The following SAMD9L variants were observed in gnomAD, a reference collection of about 807,000 sequenced individuals.
SAMD9L encodes sterile alpha motif domain-containing protein 9-like.
SAMD9L carries 68 observed loss-of-function variants against 90.7 expected under a neutral mutation model. The observed-to-expected ratio is 0.75, with a 90% CI of 0.62 to 0.92. The LOEUF is 0.92. Ranked by LOEUF, SAMD9L falls within the 40% of genes least tolerant of loss-of-function variation. SAMD9L has a pLI of 0.00. For synonymous variants in SAMD9L, 640 were observed against 630.1 expected (o/e 1.02, Z -0.23); for missense variants, 1,604 against 1,824.3 (o/e 0.88, Z 2.20).
chr7:93,134,654 ATTTAATTTCT>A lies in SAMD9L; in HGVS notation c.1308_1317del (p.Lys436AsnfsTer13), dbSNP rs1562793995. On this transcript the variant is annotated frameshift_variant, in exon 5 of 5. Coordinates refer to ENST00000318238, the MANE Select transcript of SAMD9L (RefSeq NM_152703.5). LOFTEE classifies it low-confidence loss of function (END_TRUNC). The stretch of plus-strand genomic sequence containing the variant: ...GGATCAAACTCCAACACAGCAAACC[ATTTAATTTCT>A]TTTAAAAAATCTAAGTGCTTTATTT... The A allele has an allele frequency of 6.2e-7, 1 of 1,613,946 alleles. No homozygotes were observed. The highest frequency in any genetic ancestry group is 2.2e-5 in the East Asian group (1 of 44,868).
At position 93,132,791 on chromosome 7, in the gene SAMD9L, C is replaced by G; in HGVS notation, c.3181G>C (p.Ala1061Pro). ...TTTTCAATGTCTTTATTCTGTAAAGCTTCCATTAATGGGGAAAACAGAGTG... is the reference window on the plus strand; with the variant it reads ...TTTTCAATGTCTTTATTCTGTAAAGGTTCCATTAATGGGGAAAACAGAGTG... ...TDTLFSPLME[A>P]LQNKDIEKVL... The change falls in exon 5 of 5, where the codon GCT (alanine) becomes CCT (proline). Residue 1061 changes from alanine to proline, a missense_variant. Around this residue, in one of 7 missense-constraint regions of SAMD9L, gnomAD observed 302 missense variants for 314.7 expected, o/e 0.96. Transcript: ENST00000318238. The G allele has an allele frequency of 6.2e-7, 1 of 1,613,718 alleles. No homozygotes were observed. The highest frequency in any genetic ancestry group is 2.2e-5 in the East Asian group (1 of 44,872).
At position 93,131,489 on chromosome 7, in the gene SAMD9L, G is replaced by C. The variant is rs1792090556; in HGVS notation, c.4483C>G (p.Gln1495Glu). Residue 1495 changes from glutamine to glutamate, a missense_variant, in exon 5 of 5, where the codon CAG becomes GAG. This residue lies in a region of SAMD9L where 282 missense variants were observed against 329.6 expected (regional missense o/e 0.86). Transcript: ENST00000318238. ...GTATTTTGTGCTTTATCAAAGTACT[G>C]CTCTATTTTGGCCTTGTGAACAATA... ...NSIVHKAKIE[Q>E]YFDKAQNTNS... The C allele has an allele frequency of 1.2e-6, 2 of 1,613,886 alleles. No individual in the cohort carries two copies. Among genetic ancestry groups the C allele is most frequent in the Non-Finnish European group, 1.7e-6 (2 of 1,179,882 alleles).
At chr7:93,141,147 C>A (rs1259332245) in intron 4 of SAMD9L, among the ~76,000 whole-genome samples, 2 of 152,234 alleles carry the variant, frequency 1.3e-5, no homozygotes, top group African/African-American at 4.8e-5. Flanking sequence ...ACTCTCCTTG[C>A]AGGCTTTTGG....
At position 93,146,056 on chromosome 7, in the gene SAMD9L, C is replaced by G. The variant is rs1241707389; in HGVS notation, c.-778-16G>C. The G allele has an allele frequency of 6.6e-6, 1 of 152,216 alleles. No homozygotes were observed. Among genetic ancestry groups the G allele is most frequent in the East Asian group, 1.9e-4 (1 of 5,194 alleles). The allele number at this position is 152,216 out of a possible 1,614,324, so 9.4% of individuals were successfully genotyped here. On this transcript the variant is annotated splice_polypyrimidine_tract_variant and intron_variant, in intron 2 of 4. Transcript: ENST00000318238. The stretch of plus-strand genomic sequence containing the variant: ...CGGAATGACCCTGTTAAAATGTAAA[C>G]ATCATATCAATGTTGTGTCCAACCC...
Position 93,135,477 on chromosome 7 carries a change from T to C in SAMD9L, c.495A>G (p.Pro165=). ...TGTCATGGAACTGATCAAAAGGATATGGCATACAAGTCAATTGTTCAGGTT... is the reference window on the plus strand; with the variant it reads ...TGTCATGGAACTGATCAAAAGGATACGGCATACAAGTCAATTGTTCAGGTT... ...KLKPEQLTCM[P]YPFDQFHDSH... Residue 165 remains proline, a synonymous_variant, in exon 5 of 5, where the codon CCA becomes CCG. Coordinates refer to ENST00000318238, the MANE Select transcript of SAMD9L (RefSeq NM_152703.5). 6.2e-7 allele frequency: 1 copy of C among 1,614,184 alleles called. No homozygotes were observed. Among genetic ancestry groups the C allele is most frequent in the South Asian group, 1.1e-5 (1 of 91,082 alleles).
At position 93,132,748 on chromosome 7, in the gene SAMD9L, C is replaced by G. The variant is rs542523799; in HGVS notation, c.3224G>C (p.Ser1075Thr). The change falls in exon 5 of 5, where the codon AGT (serine) becomes ACT (threonine). Residue 1075 changes from serine to threonine, a missense_variant. Ser to Thr is a moderately conservative substitution (Grantham distance 58). This residue lies in a region of SAMD9L where 302 missense variants were observed against 314.7 expected (regional missense o/e 0.96). Coordinates refer to ENST00000318238, the MANE Select transcript of SAMD9L (RefSeq NM_152703.5). ...KDIEKVLSAGSRRFPQNAFIC... is the reference protein window; with the variant it reads ...KDIEKVLSAGTRRFPQNAFIC... ...GAATGCATTTTGTGGGAATCGTCTA[C>G]TTCCTGCACTCAAGACCTTTTCAAT... The G allele has an allele frequency of 9.3e-6, 15 of 1,613,810 alleles. 1 individual carries two copies. The South Asian group carries it at 1.5e-4, about 17-fold the overall frequency.
chr7:93,133,285 A>G lies in SAMD9L; in HGVS notation c.2687T>C (p.Phe896Ser), dbSNP rs776638593. 3 of 1,612,466 alleles carry G rather than the reference A, an allele frequency of 1.9e-6. No individual in the cohort carries two copies. The highest frequency in any genetic ancestry group is 1.7e-5 in the Admixed American group (1 of 59,794). The stretch of plus-strand genomic sequence containing the variant: ...TACATTTTCTATATATGTTTCATCA[A>G]AATTGCTTTTCATGATCATGAAGGA... ...FYSFMIMKSN[F>S]DETYIENVVR... is the part of the protein sequence containing the mutation. The change falls in exon 5 of 5, where the codon TTT (phenylalanine) becomes TCT (serine). Residue 896 changes from phenylalanine to serine, a missense_variant. By Grantham distance (155) the Phe-to-Ser change is radical. Transcript: ENST00000318238.
chr7:93,143,044 G>C (rs1434708057), intron 4 of SAMD9L, among the ~76,000 whole-genome samples: 1 of 152,208 alleles, frequency 6.6e-6, no homozygotes, highest in Non-Finnish European at 1.5e-5. Flanking sequence ...GTGGTTGCGT[G>C]GGGGATAGCA....
Position 93,134,533 on chromosome 7 carries a change from A to G in SAMD9L, c.1439T>C (p.Met480Thr), listed in dbSNP as rs775501503. The change falls in exon 5 of 5, where the codon ATG becomes ACG. Residue 480 changes from methionine (M) to threonine (T), a missense_variant. Physicochemically the swap from Met to Thr is moderately conservative, Grantham distance 81. Coordinates refer to ENST00000318238, the MANE Select transcript of SAMD9L (RefSeq NM_152703.5). ...ATTAAGAGTAGAAATCTTCTCCCAC[A>G]TGTTAGTTGTCTTGTCTTCATATTG... ...PNQYEDKTTNMWEKISTLNLY... is the reference protein window; with the variant it reads ...PNQYEDKTTNTWEKISTLNLY... 3 of 1,613,816 alleles carry G rather than the reference A, an allele frequency of 1.9e-6. No homozygotes were observed. Among genetic ancestry groups the G allele is most frequent in the Admixed American group, 3.3e-5 (2 of 59,982 alleles).
chr7:93,141,068 A>G (rs949779748), intron 4 of SAMD9L, among the ~76,000 whole-genome samples: 2 of 152,204 alleles, frequency 1.3e-5, no homozygotes, highest in South Asian at 2.1e-4. Flanking sequence ...TGCACTTGGT[A>G]TTGCTACAGA....
rs546136021 is a variant in SAMD9L at position 93,135,429 on chromosome 7, A to G, written c.543T>C (p.Tyr181=). 5.0e-6 allele frequency: 8 copies of G among 1,614,180 alleles called. No individual in the cohort carries two copies. The African/African-American group carries it at 8.0e-5, about 16-fold the overall frequency. The change falls in exon 5 of 5, where the codon TAT becomes TAC. Residue 181 remains tyrosine (Y), a synonymous_variant. Coordinates refer to ENST00000318238, the MANE Select transcript of SAMD9L (RefSeq NM_152703.5). ...GTGCTCCTGTTTCAGGTTGTAGAGT[A>G]TAATGTTCTATGTAGCGATGGCTGT... ...FHDSHRYIEH[Y]TLQPETGALN...
chr7:93,135,450 G>A lies in SAMD9L; in HGVS notation c.522C>T (p.Ser174=). The A allele has an allele frequency of 6.2e-7, 1 of 1,614,090 alleles. No individual in the cohort carries two copies. The highest frequency in any genetic ancestry group is 8.5e-7 in the Non-Finnish European group (1 of 1,179,956). ...MPYPFDQFHD[S]HRYIEHYTLQ... ...GAGTATAATGTTCTATGTAGCGATG[G>A]CTGTCATGGAACTGATCAAAAGGAT... The change falls in exon 5 of 5, where the codon AGC becomes AGT. Residue 174 remains serine (S), a synonymous_variant. Coordinates refer to ENST00000318238, the MANE Select transcript of SAMD9L (RefSeq NM_152703.5).
chr7:93,134,999 T>A lies in SAMD9L; in HGVS notation c.973A>T (p.Met325Leu). The A allele has an allele frequency of 1.2e-6, 2 of 1,613,284 alleles. No homozygotes were observed. Among genetic ancestry groups the A allele is most frequent in the Non-Finnish European group, 1.7e-6 (2 of 1,179,238 alleles). The stretch of plus-strand genomic sequence containing the variant: ...CATATTTTATCTTTACAAATTTGCA[T>A]CTGAATGTAGAAATACTTATCATTA... ...ICNDKYFYIQ[M>L]QICKDKIWKQ... Residue 325 changes from methionine to leucine, a missense_variant, in exon 5 of 5, where the codon ATG (methionine) becomes TTG (leucine). Coordinates refer to ENST00000318238, the MANE Select transcript of SAMD9L (RefSeq NM_152703.5).
rs375402434 is a variant in SAMD9L at position 93,135,489 on chromosome 7, C to A, written c.483G>T (p.Leu161Phe). 3.0e-5 allele frequency: 49 copies of A among 1,613,990 alleles called. No individual in the cohort carries two copies. Among genetic ancestry groups the A allele is most frequent in the Non-Finnish European group, 3.7e-5 (44 of 1,179,992 alleles). The change falls in exon 5 of 5, where the codon TTG (leucine) becomes TTT (phenylalanine). Residue 161 changes from leucine to phenylalanine, a missense_variant. Leu to Phe is a conservative substitution (Grantham distance 22, BLOSUM62 0). Transcript: ENST00000318238. Reference protein sequence around the residue: ...KKKGKLKPEQLTCMPYPFDQF... With the variant: ...KKKGKLKPEQFTCMPYPFDQF... ...GATCAAAAGGATATGGCATACAAGT[C>A]AATTGTTCAGGTTTTAGCTTACCCT...
At position 93,133,577 on chromosome 7, in the gene SAMD9L, G is replaced by A; in HGVS notation, c.2395C>T (p.Leu799Phe). 6.2e-7 allele frequency: 1 copy of A among 1,613,856 alleles called. No individual in the cohort carries two copies. Among genetic ancestry groups the A allele is most frequent in the East Asian group, 2.2e-5 (1 of 44,872 alleles). Residue 799 changes from leucine to phenylalanine, a missense_variant, in exon 5 of 5, where the codon CTT (leucine) becomes TTT (phenylalanine). By Grantham distance (22) the Leu-to-Phe change is conservative. Coordinates refer to ENST00000318238, the MANE Select transcript of SAMD9L (RefSeq NM_152703.5). ...TCTTCAAAATCATCCACAAGGAGAA[G>A]CACAGGAATGTAATCCTGATGGCTC... ...AKSHQDYIPV[L>F]LLVDDFEEQE...
chr7:93,133,878 GAAGTTCCACCAGGA>G lies in SAMD9L; in HGVS notation c.2080_2093del (p.Ser694LeufsTer5). The G allele has an allele frequency of 6.2e-7, 1 of 1,613,426 alleles. No homozygotes were observed. The highest frequency in any genetic ancestry group is 8.5e-7 in the Non-Finnish European group (1 of 1,179,774). On this transcript the variant is annotated frameshift_variant, in exon 5 of 5. Coordinates refer to ENST00000318238, the MANE Select transcript of SAMD9L (RefSeq NM_152703.5). LOFTEE classifies it high-confidence loss of function. ...AAGAATAGTTTTCAGAAGAAAAATA[GAAGTTCCACCAGGA>G]TACTTTGCCACCTCGATAAAAGTGT...
rs1476862611 is a variant in SAMD9L at position 93,131,696 on chromosome 7, G to A, written c.4276C>T (p.Pro1426Ser). ...FVGLSHQYPG[P>S]YFLACLLFWP... ...AACAGGAGGCAGGCCAAGAAATAAG[G>A]ACCTGGATATTGATGACTTAGTCCT... is the stretch of plus-strand genomic sequence containing the variant. Residue 1426 changes from proline to serine, a missense_variant, in exon 5 of 5, where the codon CCT becomes TCT. Physicochemically the swap from Pro to Ser is moderately conservative, Grantham distance 74. Around this residue, in one of 7 missense-constraint regions of SAMD9L, gnomAD observed 282 missense variants for 329.6 expected, o/e 0.86. Transcript: ENST00000318238. 1.2e-6 allele frequency: 2 copies of A among 1,613,858 alleles called. No homozygotes were observed. The highest frequency in any genetic ancestry group is 2.2e-5 in the South Asian group (2 of 91,054).
Position 93,131,340 on chromosome 7 carries a change from T to C in SAMD9L, c.4632A>G (p.Ile1544Met). 1.2e-6 allele frequency: 2 copies of C among 1,613,666 alleles called. No individual in the cohort carries two copies. The highest frequency in any genetic ancestry group is 1.7e-6 in the Non-Finnish European group (2 of 1,179,794). ...ISVEYGTEEK[I>M]KIPVISVYSG... ...AATAAACAGATATTACTGGTATTTT[T>C]ATTTTTTCCTCTGTTCCATATTCTA... Residue 1544 changes from isoleucine to methionine, a missense_variant, in exon 5 of 5, where the codon ATA (isoleucine) becomes ATG (methionine). This residue lies in a region of SAMD9L where 282 missense variants were observed against 329.6 expected (regional missense o/e 0.86). Transcript: ENST00000318238.
Position 93,134,194 on chromosome 7 carries a change from A to G in SAMD9L, c.1778T>C (p.Leu593Pro). ...TTCCATCTTCATTCTTGTTTGTAGT[A>G]GATCTTTCCATCGTTGATAAATATG... is the stretch of plus-strand genomic sequence containing the variant. ...NSHIYQRWKD[L>P]LQTRMKMEDE... Residue 593 changes from leucine to proline, a missense_variant, in exon 5 of 5, where the codon CTA becomes CCA. Physicochemically the swap from Leu to Pro is moderately conservative, Grantham distance 98. This residue lies in a region of SAMD9L where 606 missense variants were observed against 717.6 expected (regional missense o/e 0.84). Coordinates refer to ENST00000318238, the MANE Select transcript of SAMD9L (RefSeq NM_152703.5). 3 of 1,613,278 alleles carry G rather than the reference A, an allele frequency of 1.9e-6. No homozygotes were observed. The highest frequency in any genetic ancestry group is 2.5e-6 in the Non-Finnish European group (3 of 1,179,512).
Sources: gnomAD v4.1 joint callset for allele counts (sites outside exome capture counted in the v4.1 genomes callset) on GRCh38, gnomAD v4.1.1 for gene constraint, gnomAD v4.1.1 regional missense constraint, MANE v1.5 for transcripts, NCBI Gene and HGNC (gene_info 2026-07-23, HGNC 2026-07-21) for gene names.